CD109: variants seen among roughly 807,000 people sequenced by gnomAD.
The protein encoded by CD109 is CD109 molecule.
A neutral mutation model predicts 165.8 loss-of-function variants in CD109; 149 were observed. The ratio of observed to expected loss-of-function variants is 0.90; its 90% CI spans 0.79 to 1.03. The LOEUF (loss-of-function observed/expected upper bound fraction) is 1.03, where lower values mean the gene tolerates loss of function less well. Ranked by LOEUF, CD109 falls within the 50% of genes least tolerant of loss-of-function variation. The probability of loss-of-function intolerance (pLI) is 0.00; values close to 1 mark genes in which losing one functional copy is unlikely to be tolerated. For missense variants in CD109, 1,712 were observed against 1,677.8 expected, an observed-to-expected ratio of 1.02 and a Z score of -0.36; for synonymous variants, 585 against 592.1, an observed-to-expected ratio of 0.99 and a Z score of 0.18.
chr6:73,827,892 T>G lies in CD109; in HGVS notation c.*4259T>G, dbSNP rs866013433. 1.9e-5 allele frequency: 3 copies of G among 154,612 alleles called. No homozygotes were observed. In the Middle Eastern group the frequency reaches 1.8e-3, roughly 90 times the overall value. The allele number at this position is 154,612 out of a possible 1,614,324, so 9.6% of individuals were successfully genotyped here. On this transcript the variant is annotated 3_prime_UTR_variant, in exon 33 of 33. Transcript: ENST00000287097. ...AAGAATCATTCTATCTTATGTTGTC[T>G]TGAGGCCAAGATTTACCACGTTTGC... is the stretch of plus-strand genomic sequence containing the variant.
At chr6:73,709,738 C>G (rs1771451326) in intron 2 of CD109, among the ~76,000 whole-genome samples, 1 of 152,134 alleles carries the variant, frequency 6.6e-6, no homozygotes, top group South Asian at 2.1e-4. Context: ...AAAAGCTTAT[C>G]CACCATGATC....
chr6:73,737,362 C>T lies in CD109; in HGVS notation c.633+854C>T, dbSNP rs186770167. Among the ~76,000 whole-genome samples the T allele has an allele frequency of 5.9e-5, 9 of 152,262 alleles. No individual in the cohort carries two copies. The East Asian group carries it at 1.7e-3, about 29-fold the overall frequency. On this transcript the variant is annotated intron_variant, in intron 5 of 32. Transcript: ENST00000287097. ...GTATGAATGAGAACAGTGCTGGAGG[C>T]ACAATGGACTCTCAATATTTGCTTC... is the stretch of plus-strand genomic sequence containing the variant.
intron 5 of CD109, among the ~76,000 whole-genome samples, chr6:73,745,794 T>C (rs1226882207): frequency 6.6e-6 from 1 of 152,226 alleles, no homozygotes; most frequent in African/African-American, 2.4e-5. Context: ...AGTGGCACAA[T>C]CTTGGCTTAC....
At chr6:73,742,078 C>G (rs1172980062) in intron 5 of CD109, among the ~76,000 whole-genome samples, 1 of 152,162 alleles carries the variant, frequency 6.6e-6, no homozygotes, top group Non-Finnish European at 1.5e-5. Flanking sequence ...GTATTAAGTA[C>G]ATTAATATTG....
chr6:73,699,586 G>C (rs1291682497), intron 2 of CD109, among the ~76,000 whole-genome samples: 1 of 152,102 alleles, frequency 6.6e-6, no homozygotes, highest in African/African-American at 2.4e-5. Flanking sequence ...TGGGGTGCAT[G>C]TTGTTGTGGC....
In CD109 at chr6:73,725,525, T is replaced by TTTG. The variant is rs71000151; in HGVS notation, c.276+2246_276+2247insTTG. Among the ~76,000 whole-genome samples the TTTG allele has an allele frequency of 2.8e-5, 4 of 144,130 alleles. No individual in the cohort carries two copies. The East Asian group carries it at 5.9e-4, about 21-fold the overall frequency. 94.6% of individuals were successfully genotyped at this position (144,130 alleles called of 152,430 possible). ...ACTTCTTTTTTTTTTTTTTTTTTTT[T>TTTG]GAGACAGAGTTTCTCTCTTGTTGCC... On this transcript the variant is annotated intron_variant, in intron 3 of 32. Coordinates refer to ENST00000287097, the MANE Select transcript of CD109 (RefSeq NM_133493.5).
intron 16 of CD109, 123 bp downstream of exon 16, chr6:73,780,621 A>C (rs9293941): frequency 0.37 from 232,051 of 627,452 alleles, 43,308 homozygotes; most frequent in African/African-American, 0.48. Context: ...GCGCAGTCTT[A>C]TGTAAGTATA....
chr6:73,762,691 A>G, intron 8 of CD109, 50 bp from the exon 9 acceptor site: 1 of 1,469,444 alleles, frequency 6.8e-7, no homozygotes, highest in East Asian at 2.3e-5. Context: ...TTATTTCTAA[A>G]ATTTGAATTG....
chr6:73,683,368 G>A, the CD109 span, among the ~76,000 whole-genome samples: 1 of 152,110 alleles, frequency 6.6e-6, no homozygotes, highest in Non-Finnish European at 1.5e-5. Flanking sequence ...AAAACATAAC[G>A]AGAATCACCT....
At chr6:73,683,089 C>T in the CD109 span, among the ~76,000 whole-genome samples, 1 of 152,236 alleles carries the variant, frequency 6.6e-6, no homozygotes, top group South Asian at 2.1e-4. Context: ...TTCAGCTCCT[C>T]ATTACTTATG....
At position 73,743,881 on chromosome 6, in the gene CD109, A is replaced by AG. The variant is rs545750419; in HGVS notation, c.633+7374dup. Among the ~76,000 whole-genome samples the AG allele has an allele frequency of 2.0e-3, 300 of 152,346 alleles. 2 individuals carry two copies. Among genetic ancestry groups the AG allele is most frequent in the Non-Finnish European group, 2.5e-3 (171 of 68,040 alleles). ...ATCTCAAACTCTTACTTCCTTGTTC[A>AG]GTGAGAAAGGGAGGGAGGAGATGGT... On this transcript the variant is annotated intron_variant, in intron 5 of 32. Transcript: ENST00000287097.
intron 2 of CD109, among the ~76,000 whole-genome samples, chr6:73,702,648 C>T (rs972254511): frequency 2.6e-5 from 4 of 152,188 alleles, no homozygotes; most frequent in African/African-American, 9.7e-5. Context: ...GCTCTGGAGC[C>T]TGGCTACCTG....
chr6:73,761,056 CACACACACACACACAA>C (rs1298475368), intron 7 of CD109, among the ~76,000 whole-genome samples: 15 of 151,068 alleles, frequency 9.9e-5, no homozygotes, highest in African/African-American at 2.9e-4. Context: ...CACACACACA[CACACACACACACACAA>C]ACCCAGAAAC....
At chr6:73,740,890 C>G (rs1772753597) in intron 5 of CD109, among the ~76,000 whole-genome samples, 1 of 152,012 alleles carries the variant, frequency 6.6e-6, no homozygotes, top group Non-Finnish European at 1.5e-5. Context: ...TGTGCCTGGC[C>G]AAGAAAGGAA....
chr6:73,710,591 G>A (rs1771491960), intron 2 of CD109, among the ~76,000 whole-genome samples: 2 of 151,974 alleles, frequency 1.3e-5, no homozygotes, highest in Non-Finnish European at 2.9e-5. Flanking sequence ...AGAAGACACC[G>A]AGGGAATGTT....
rs559068746 is a variant in CD109 at position 73,734,449 on chromosome 6, T to G, written c.508-1934T>G. ...AAACACAATATTGTTTTCATTTGTA[T>G]TTCCTTAATTACTAGACAGCATATA... On this transcript the variant is annotated intron_variant, in intron 4 of 32. Transcript: ENST00000287097. Among the ~76,000 whole-genome samples the G allele has an allele frequency of 3.3e-5, 5 of 152,384 alleles. No homozygotes were observed. The East Asian group carries it at 5.8e-4, about 18-fold the overall frequency.
chr6:73,694,144 C>A (rs1281150948), upstream of CD109: 1 of 152,182 alleles, frequency 6.6e-6, no homozygotes, highest in African/African-American at 2.4e-5. Context: ...CCGCCTCGGT[C>A]TCCCAAATTA....
chr6:73,811,387 C>T (rs1199198089), intron 28 of CD109, among the ~76,000 whole-genome samples: 10 of 152,092 alleles, frequency 6.6e-5, no homozygotes, highest in East Asian at 5.8e-4. Context: ...AAGGAATGAA[C>T]ATAGAAACCT....
intron 7 of CD109, among the ~76,000 whole-genome samples, chr6:73,760,406 CAAAAAAAAAA>C (rs35181896): frequency 2.4e-4 from 4 of 16,600 alleles, no homozygotes; most frequent in Admixed American, 1.1e-3. Flanking sequence ...GACCCCGTCT[CAAAAAAAAAA>C]AAAAAAAAAA....
Sources: gnomAD v4.1 joint callset for allele counts (sites outside exome capture counted in the v4.1 genomes callset) on GRCh38, gnomAD v4.1.1 for gene constraint, MANE v1.5 for transcripts, NCBI Gene and HGNC (gene_info 2026-07-23, HGNC 2026-07-21) for gene names.